Variants in TNFSF4 observed in about 807,000 individuals in gnomAD.
TNFSF4 encodes the protein tumor necrosis factor ligand superfamily member 4.
A neutral mutation model predicts 7.3 loss-of-function variants in TNFSF4; 4 were observed. The observed-to-expected ratio is 0.55, with a 90% CI of 0.27 to 1.25. The LOEUF is 1.25. TNFSF4 is among the 50% of genes most tolerant of loss of function. The pLI, the probability that TNFSF4 is intolerant of heterozygous loss-of-function variation, is 0.12. For synonymous variants in TNFSF4, 76 were observed against 83.7 expected (o/e 0.91, Z 0.50); for missense variants, 181 against 208.8 (o/e 0.87, Z 0.82).
At chr1:173,344,936 A>G in the TNFSF4 span, among the ~76,000 whole-genome samples, 1 of 152,190 alleles carries the variant, frequency 6.6e-6, no homozygotes, top group African/African-American at 2.4e-5. Context: ...AGTCCATGCA[A>G]CCTCTCTCAT....
chr1:173,346,514 A>G, the TNFSF4 span, among the ~76,000 whole-genome samples: 14 of 152,346 alleles, frequency 9.2e-5, no homozygotes, highest in East Asian at 2.3e-3. Flanking sequence ...AGCACTTTAC[A>G]TACCATGTGA....
chr1:173,206,916 A>G (rs1412813444), intron 1 of TNFSF4, 108 bp downstream of exon 1: 1 of 1,325,338 alleles, frequency 7.5e-7, no homozygotes, highest in Admixed American at 2.6e-5. Context: ...GAGGGAAAAA[A>G]AACTCAACAC....
chr1:173,390,750 CT>C, the TNFSF4 span, among the ~76,000 whole-genome samples: 16 of 127,714 alleles, frequency 1.3e-4, no homozygotes, highest in African/African-American at 1.8e-4. Flanking sequence ...TTTTTTTTTT[CT>C]TTTTTTTTTT....
chr1:173,262,503 A>G, the TNFSF4 span, among the ~76,000 whole-genome samples: 1 of 152,174 alleles, frequency 6.6e-6, no homozygotes, highest in Non-Finnish European at 1.5e-5. Flanking sequence ...AGAGAAAGAA[A>G]TAAAGGTAGT....
chr1:173,305,508 G>T, the TNFSF4 span, among the ~76,000 whole-genome samples: 1 of 151,846 alleles, frequency 6.6e-6, no homozygotes, highest in African/African-American at 2.4e-5. Flanking sequence ...AAATTAGACT[G>T]AGAAATTGGA....
the TNFSF4 span, among the ~76,000 whole-genome samples, chr1:173,259,994 CACTAAGAT>C: frequency 6.6e-6 from 1 of 152,110 alleles, no homozygotes; most frequent in Non-Finnish European, 1.5e-5. Context: ...CAGAGAACCC[CACTAAGAT>C]ACTCCATGAG....
At chr1:173,309,655 T>C in the TNFSF4 span, among the ~76,000 whole-genome samples, 1 of 151,862 alleles carries the variant, frequency 6.6e-6, no homozygotes, top group Non-Finnish European at 1.5e-5. Context: ...CTTTCTTTAA[T>C]GTCCTTATTA....
the TNFSF4 span, among the ~76,000 whole-genome samples, chr1:173,377,473 G>A: frequency 1.3e-5 from 2 of 152,306 alleles, no homozygotes; most frequent in South Asian, 4.1e-4. Context: ...GGATGACCCT[G>A]CGGCCATGAG....
chr1:173,198,619 A>T (rs937988102), intron 1 of TNFSF4, among the ~76,000 whole-genome samples: 8 of 152,218 alleles, frequency 5.3e-5, no homozygotes, highest in Non-Finnish European at 1.0e-4. Context: ...ACTCCATCTC[A>T]AAAAACAAAC....
the TNFSF4 span, among the ~76,000 whole-genome samples, chr1:173,441,365 A>G: frequency 2.0e-5 from 3 of 151,858 alleles, no homozygotes; most frequent in African/African-American, 7.3e-5. Flanking sequence ...CTCAAGCCCT[A>G]TAATCCCAGC....
At chr1:173,427,090 T>C in the TNFSF4 span, among the ~76,000 whole-genome samples, 1 of 152,204 alleles carries the variant, frequency 6.6e-6, no homozygotes, top group South Asian at 2.1e-4. Flanking sequence ...ATTTGTATTG[T>C]TTAAGCCACT....
chr1:173,379,521 A>G, the TNFSF4 span, among the ~76,000 whole-genome samples: 2 of 152,042 alleles, frequency 1.3e-5, no homozygotes, highest in African/African-American at 4.8e-5. Flanking sequence ...TTGAGGGTCA[A>G]TTGATCCTAA....
the TNFSF4 span, among the ~76,000 whole-genome samples, chr1:173,178,497 C>A: frequency 2.0e-5 from 3 of 152,102 alleles, no homozygotes; most frequent in African/African-American, 7.2e-5. Context: ...TGGCGGGAAC[C>A]CGGGAAGCAG....
the TNFSF4 span, among the ~76,000 whole-genome samples, chr1:173,229,150 G>T: frequency 2.0e-5 from 3 of 152,298 alleles, no homozygotes; most frequent in African/African-American, 7.2e-5. Context: ...AGGTTGAAAT[G>T]AAGGAAAAAA....
chr1:173,321,464 CA>C, the TNFSF4 span, among the ~76,000 whole-genome samples: 1 of 152,186 alleles, frequency 6.6e-6, no homozygotes, highest in East Asian at 1.9e-4. Flanking sequence ...CAACAAGAGC[CA>C]AAATTGACAA....
the TNFSF4 span, among the ~76,000 whole-genome samples, chr1:173,373,254 C>T: frequency 6.6e-6 from 1 of 152,100 alleles, no homozygotes; most frequent in African/African-American, 2.4e-5. Context: ...CTGCCAAAGC[C>T]ATCAAAAAGG....
At chr1:173,288,192 T>A in the TNFSF4 span, among the ~76,000 whole-genome samples, 2 of 152,250 alleles carry the variant, frequency 1.3e-5, no homozygotes, top group African/African-American at 4.8e-5. Flanking sequence ...GCACCTGTAA[T>A]CCCAAATCCC....
At chr1:173,347,082 G>C in the TNFSF4 span, among the ~76,000 whole-genome samples, 1 of 152,136 alleles carries the variant, frequency 6.6e-6, no homozygotes, top group African/African-American at 2.4e-5. Flanking sequence ...TTGCATACTT[G>C]TGACTGGAAG....
the TNFSF4 span, among the ~76,000 whole-genome samples, chr1:173,176,169 T>G: frequency 6.6e-6 from 1 of 152,158 alleles, no homozygotes; most frequent in Non-Finnish European, 1.5e-5. Context: ...TTTATGAAGC[T>G]TGCCTAACAA....
Sources: gnomAD v4.1 joint callset for allele counts (sites outside exome capture counted in the v4.1 genomes callset) on GRCh38, gnomAD v4.1.1 for gene constraint, MANE v1.5 for transcripts, NCBI Gene and HGNC (gene_info 2026-07-23, HGNC 2026-07-21) for gene names.